Variants in SLC1A2 observed in about 807,000 individuals in gnomAD.
SLC1A2 encodes the protein solute carrier family 1 member 2.
SLC1A2 carries 15 observed loss-of-function variants against 48.8 expected under a neutral mutation model. That is an observed-to-expected ratio of 0.31 (90% CI 0.21 to 0.47). SLC1A2 has a LOEUF of 0.47. Ranked by LOEUF, SLC1A2 falls within the 20% of genes least tolerant of loss-of-function variation. The pLI is 0.99. For missense variants in SLC1A2, 502 were observed against 730.5 expected (o/e 0.69, Z 3.61); for synonymous variants, 279 against 272.6 (o/e 1.02, Z -0.23).
At position 35,259,313 on chromosome 11, in the gene SLC1A2, G is replaced by A. The variant is rs2134581089; in HGVS notation, c.*1581C>T. On this transcript the variant is annotated 3_prime_UTR_variant, in exon 11 of 11. Transcript: ENST00000278379. Reference sequence around the variant, plus strand: ...CCCTCCGCTGGTTTCATATAATACAGCCTATTCTCACCTATAAACAAGGTT... The same window carrying A: ...CCCTCCGCTGGTTTCATATAATACAACCTATTCTCACCTATAAACAAGGTT... 6.5e-6 allele frequency: 1 copy of A among 152,708 alleles called. No homozygotes were observed. The highest frequency in any genetic ancestry group is 1.9e-4 in the East Asian group (1 of 5,196). The allele number at this position is 152,708 out of a possible 1,614,324, so 9.5% of individuals were successfully genotyped here. A position where few individuals can be genotyped will look rare whatever the true frequency, so the allele number is the denominator to read the frequency against.
intron 8 of SLC1A2, among the ~76,000 whole-genome samples, chr11:35,284,687 G>A (rs1184830844): frequency 2.0e-5 from 3 of 152,284 alleles, no homozygotes; most frequent in South Asian, 2.1e-4. Context: ...AGAGGAGAAA[G>A]CTGTGTTTTA....
intron 1 of SLC1A2, among the ~76,000 whole-genome samples, chr11:35,320,289 C>T (rs1005286939): frequency 6.6e-6 from 1 of 152,172 alleles, no homozygotes; most frequent in Non-Finnish European, 1.5e-5. Flanking sequence ...ATGTATCAGA[C>T]ACTATACTCA....
upstream of SLC1A2, chr11:35,419,768 T>G (rs2135318215): frequency 3.5e-6 from 1 of 281,736 alleles, no homozygotes; most frequent in Middle Eastern, 1.5e-3. The surrounding 1 kb of genome is among the most constrained non-coding windows in gnomAD (Gnocchi z 5.4). Flanking sequence ...GAAGCCCGCG[T>G]GGCCCCAGGT....
chr11:35,271,564 T>C (rs925960283), intron 9 of SLC1A2, among the ~76,000 whole-genome samples: 1 of 152,130 alleles, frequency 6.6e-6, no homozygotes, highest in Admixed American at 6.5e-5. Context: ...CTAATTATTA[T>C]CTAGGGATCA....
At chr11:35,338,117 G>A (rs1220914600) in intron 1 of SLC1A2, among the ~76,000 whole-genome samples, 1 of 152,200 alleles carries the variant, frequency 6.6e-6, no homozygotes, top group Non-Finnish European at 1.5e-5. Context: ...GCCAAATCCA[G>A]TCAACAGCCC....
chr11:35,314,785 C>CTTTT (rs5791048), intron 3 of SLC1A2, among the ~76,000 whole-genome samples: 4 of 141,038 alleles, frequency 2.8e-5, no homozygotes, highest in Non-Finnish European at 4.6e-5. Context: ...CTTTTCTTTT[C>CTTTT]TTTTTTTTTT....
intron 1 of SLC1A2, among the ~76,000 whole-genome samples, chr11:35,326,303 C>T (rs950191081): frequency 3.3e-5 from 5 of 152,218 alleles, no homozygotes; most frequent in Admixed American, 2.6e-4. Flanking sequence ...AGCATGAGTA[C>T]TCATTCCCCT....
At chr11:35,297,602 G>A (rs989611858) in intron 6 of SLC1A2, 12 of 152,016 alleles carry the variant, frequency 7.9e-5, no homozygotes, top group African/African-American at 2.9e-4. Context: ...TTATAGGGGT[G>A]AGATTATGAA....
chr11:35,379,389 A>G (rs1854345873), intron 1 of SLC1A2, among the ~76,000 whole-genome samples: 1 of 152,232 alleles, frequency 6.6e-6, no homozygotes, highest in South Asian at 2.1e-4. Flanking sequence ...CCACATTTAG[A>G]CAATGCAATT....
At chr11:35,288,160 C>T (rs988273703) in intron 7 of SLC1A2, among the ~76,000 whole-genome samples, 1 of 152,120 alleles carries the variant, frequency 6.6e-6, no homozygotes, top group African/African-American at 2.4e-5. Context: ...ACCAACGAAT[C>T]AGAAGCCCTA....
intron 1 of SLC1A2, among the ~76,000 whole-genome samples, chr11:35,377,112 C>A (rs10836384): frequency 4.6e-5 from 7 of 152,112 alleles, no homozygotes; most frequent in Non-Finnish European, 8.8e-5. Context: ...AACACTCTAT[C>A]CCCATTAACT....
At chr11:35,351,816 A>G (rs1443684686) in intron 1 of SLC1A2, among the ~76,000 whole-genome samples, 1 of 152,006 alleles carries the variant, frequency 6.6e-6, no homozygotes, top group Non-Finnish European at 1.5e-5. Flanking sequence ...TTGTATTTTT[A>G]GTAGAGACGG....
At chr11:35,390,393 T>A (rs1482096789) in intron 1 of SLC1A2, among the ~76,000 whole-genome samples, 1 of 152,212 alleles carries the variant, frequency 6.6e-6, no homozygotes, top group Non-Finnish European at 1.5e-5. Context: ...ATTTCATTTT[T>A]AAAATTTGAT....
At chr11:35,309,066 A>G (rs1055272715) in intron 4 of SLC1A2, among the ~76,000 whole-genome samples, 9 of 152,120 alleles carry the variant, frequency 5.9e-5, no homozygotes, top group African/African-American at 2.2e-4. Context: ...TCTACTGAGA[A>G]GCTCCTTTCC....
At chr11:35,332,375 C>T (rs966549570) in intron 1 of SLC1A2, among the ~76,000 whole-genome samples, 1 of 152,190 alleles carries the variant, frequency 6.6e-6, no homozygotes, top group South Asian at 2.1e-4. Flanking sequence ...CTGCTCAACT[C>T]GTAAAGTCTC....
chr11:35,301,995 A>G (rs1565225963), intron 5 of SLC1A2, among the ~76,000 whole-genome samples: 1 of 152,230 alleles, frequency 6.6e-6, no homozygotes, highest in Non-Finnish European at 1.5e-5. Flanking sequence ...ATTAACGAGG[A>G]AAAGCCTGTT....
At position 35,419,231 on chromosome 11, in the gene SLC1A2, T is replaced by TC. The variant is rs1855707245; in HGVS notation, c.-266dup. 1 of 408,952 alleles carries TC rather than the reference T, an allele frequency of 2.4e-6. No individual in the cohort carries two copies. Among genetic ancestry groups the TC allele is most frequent in the African/African-American group, 2.1e-5 (1 of 47,666 alleles). 25.3% of individuals were successfully genotyped at this position (408,952 alleles called of 1,614,324 possible). ...GCGGGGATGGCGCTTGGCGGGGAGC[T>TC]CCGGGGGCTCCGAGGGTGGCTTCCC... On this transcript the variant is annotated 5_prime_UTR_variant, in exon 1 of 11. Coordinates refer to ENST00000278379, the MANE Select transcript of SLC1A2 (RefSeq NM_004171.4). This position sits in a 1 kb window ranked among gnomAD's most constrained non-coding sequence, Gnocchi z 5.4.
rs116831778 is a variant in SLC1A2 at position 35,290,260 on chromosome 11, A to G, written c.1091+2027T>C. ...ACAACCTTGCAGAGATGTATTTGTA[A>G]GGATGTTTGTCACAGCCCTGTTTAA... On this transcript the variant is annotated intron_variant, in intron 7 of 10. Coordinates refer to ENST00000278379, the MANE Select transcript of SLC1A2 (RefSeq NM_004171.4). Among the ~76,000 whole-genome samples the G allele has an allele frequency of 4.1e-3, 617 of 152,302 alleles. 5 individuals are homozygous for G. Among genetic ancestry groups the G allele is most frequent in the African/African-American group, 0.014 (595 of 41,568 alleles).
In SLC1A2 at chr11:35,301,722, C is replaced by T. The variant is rs531551292; in HGVS notation, c.731-77G>A. The T allele has an allele frequency of 2.9e-6, 4 of 1,388,768 alleles. No individual in the cohort carries two copies. The African/African-American group carries it at 4.2e-5, about 15-fold the overall frequency. 86.0% of individuals were successfully genotyped at this position (1,388,768 alleles called of 1,614,324 possible). On this transcript the variant is annotated intron_variant, in intron 5 of 10. Coordinates refer to ENST00000278379, the MANE Select transcript of SLC1A2 (RefSeq NM_004171.4). Reference sequence around the variant, plus strand: ...TTTCTCCCTCATTCTTTACCATTCCCAATGTATGGAGCCATGTTCTCACTG... The same window carrying T: ...TTTCTCCCTCATTCTTTACCATTCCTAATGTATGGAGCCATGTTCTCACTG...
Sources: allele counts gnomAD v4.1 joint callset (sites outside exome capture counted in the v4.1 genomes callset), GRCh38; gene constraint gnomAD v4.1.1; non-coding constraint Gnocchi (gnomAD v3.1); transcripts MANE v1.5; gene names NCBI Gene and HGNC (gene_info 2026-07-23, HGNC 2026-07-21).